Variants in DMP1 observed in about 807,000 individuals in gnomAD.
DMP1 encodes dentin matrix acidic phosphoprotein 1, also known as dentin matrix protein 1.
In DMP1, 20 loss-of-function variants were observed where a neutral mutation model predicts 14.6. The observed-to-expected ratio is 1.37, with a 90% CI of 0.96 to 1.99. The LOEUF (loss-of-function observed/expected upper bound fraction) is 1.99. Among genes scored for constraint, DMP1 ranks in the 30% most tolerant of loss-of-function variants. DMP1 has a pLI of 0.00. For missense variants in DMP1, 567 were observed against 620.5 expected (o/e 0.91, Z 0.92); for synonymous variants, 197 against 215.3 (o/e 0.91, Z 0.75).
chr4:87,661,128 C>G (rs1728854310), intron 5 of DMP1, among the ~76,000 whole-genome samples: 1 of 151,942 alleles, frequency 6.6e-6, no homozygotes, highest in Non-Finnish European at 1.5e-5. Flanking sequence ...ACCTCTGCCC[C>G]CCAGGTTCAA....
intron 1 of DMP1, among the ~76,000 whole-genome samples, chr4:87,654,086 G>A (rs965830720): frequency 6.6e-5 from 10 of 152,246 alleles, no homozygotes; most frequent in African/African-American, 9.6e-5. Flanking sequence ...TGGCCTCTCC[G>A]TGCAGCATTT....
intron 1 of DMP1, among the ~76,000 whole-genome samples, chr4:87,654,881 T>C (rs1006016604): frequency 7.9e-5 from 12 of 152,214 alleles, no homozygotes; most frequent in African/African-American, 1.9e-4. Flanking sequence ...CCTGAACTTA[T>C]GAAGGTAAGC....
At position 87,656,508 on chromosome 4, in the gene DMP1, C is replaced by G; in HGVS notation, c.16C>G (p.Leu6Val). The G allele has an allele frequency of 6.2e-7, 1 of 1,609,738 alleles. No individual in the cohort carries two copies. Among genetic ancestry groups the G allele is most frequent in the Non-Finnish European group, 8.5e-7 (1 of 1,176,058 alleles). MKISI[L>V]LMFLWGLSCA... ...ACACCCAACTATGAAGATCAGCATCCTGCTCATGTTCCTTTGGGGATTATC... is the reference window on the plus strand; with the variant it reads ...ACACCCAACTATGAAGATCAGCATCGTGCTCATGTTCCTTTGGGGATTATC... The change falls in exon 2 of 6, where the codon CTG becomes GTG. Residue 6 changes from leucine to valine, a missense_variant. Transcript: ENST00000339673.
chr4:87,663,770 C>T lies in DMP1; in HGVS notation c.*450C>T, dbSNP rs188772377. ...ATAAGAGAAACAAGAATTGTTACAA[C>T]CCAGTATGGTGAGTGCCAAGACAGA... On this transcript the variant is annotated 3_prime_UTR_variant, in exon 6 of 6. Coordinates refer to ENST00000339673, the MANE Select transcript of DMP1 (RefSeq NM_004407.4). 1 of 248,478 alleles carries T rather than the reference C, an allele frequency of 4.0e-6. No individual in the cohort carries two copies. Among genetic ancestry groups the T allele is most frequent in the East Asian group, 1.0e-4 (1 of 9,812 alleles). The allele number at this position is 248,478 out of a possible 1,614,324, so 15.4% of individuals were successfully genotyped here. A position where few individuals can be genotyped will look rare whatever the true frequency, so the allele number is the denominator to read the frequency against.
At chr4:87,658,390 A>G (rs868381979) in intron 3 of DMP1, among the ~76,000 whole-genome samples, 3 of 152,228 alleles carry the variant, frequency 2.0e-5, no homozygotes, top group Admixed American at 2.0e-4. Context: ...AGAAGTTGCT[A>G]AGGCATTCTT....
rs146708738 is a variant in DMP1 at position 87,663,015 on chromosome 4, A to C, written c.1237A>C (p.Asn413His). The change falls in exon 6 of 6, where the codon AAC becomes CAC. Residue 413 changes from asparagine to histidine, a missense_variant. Coordinates refer to ENST00000339673, the MANE Select transcript of DMP1 (RefSeq NM_004407.4). ...QADSESSESL[N>H]FSEESPESPE... ...AGACAGCGAATCCAGTGAGAGCCTC[A>C]ACTTCTCAGAGGAAAGCCCGGAGTC... 3 of 1,614,080 alleles carry C rather than the reference A, an allele frequency of 1.9e-6. No homozygotes were observed. Among genetic ancestry groups the C allele is most frequent in the Non-Finnish European group, 2.5e-6 (3 of 1,180,032 alleles).
Position 87,663,199 on chromosome 4 carries a change from G to A in DMP1, c.1421G>A (p.Ser474Asn). The A allele has an allele frequency of 1.2e-6, 2 of 1,614,210 alleles. No homozygotes were observed. Among genetic ancestry groups the A allele is most frequent in the Non-Finnish European group, 1.7e-6 (2 of 1,180,050 alleles). The change falls in exon 6 of 6, where the codon AGC (serine) becomes AAC (asparagine). Residue 474 changes from serine to asparagine, a missense_variant. Coordinates refer to ENST00000339673, the MANE Select transcript of DMP1 (RefSeq NM_004407.4). The stretch of plus-strand genomic sequence containing the variant: ...AGCAACTCCACGGAGAGCAAATCAA[G>A]CAGTGAGGAAGATGGCCAGTTGAAA... ...EDSNSTESKS[S>N]SEEDGQLKNI... is the part of the protein sequence containing the mutation.
chr4:87,651,440 G>A (rs1728528565), intron 1 of DMP1, among the ~76,000 whole-genome samples: 1 of 151,876 alleles, frequency 6.6e-6, no homozygotes, highest in Non-Finnish European at 1.5e-5. Flanking sequence ...TGGTTTGTTT[G>A]TTTCTCTGGA....
chr4:87,661,280 G>A (rs984057944), intron 5 of DMP1, among the ~76,000 whole-genome samples: 10 of 139,044 alleles, frequency 7.2e-5, no homozygotes, highest in African/African-American at 2.7e-4. Flanking sequence ...GAGTGCAGTG[G>A]CGCAATCTCG....
chr4:87,662,848 A>G lies in DMP1; in HGVS notation c.1070A>G (p.Glu357Gly). The G allele has an allele frequency of 1.2e-6, 2 of 1,613,498 alleles. No homozygotes were observed. Among genetic ancestry groups the G allele is most frequent in the Non-Finnish European group, 1.7e-6 (2 of 1,179,444 alleles). Residue 357 changes from glutamate (E) to glycine (G), a missense_variant, in exon 6 of 6, where the codon GAA becomes GGA. By Grantham distance (98) the Glu-to-Gly change is moderately conservative. Transcript: ENST00000339673. ...CAAGAGAACAGCAGTGAGTCTCAGGAAGAGGTGGTGAGTGAGTCCAGGGGA... is the reference window on the plus strand; with the variant it reads ...CAAGAGAACAGCAGTGAGTCTCAGGGAGAGGTGGTGAGTGAGTCCAGGGGA... ...SSQENSSESQ[E>G]EVVSESRGDN... is the part of the protein sequence containing the mutation.
intron 1 of DMP1, among the ~76,000 whole-genome samples, chr4:87,652,403 G>A (rs1349641183): frequency 6.6e-6 from 1 of 152,104 alleles, no homozygotes; most frequent in Admixed American, 6.6e-5. Flanking sequence ...AATACCAAAT[G>A]CAAACCTAAC....
rs539216725 is a variant in DMP1, at chr4:87,655,924, A to G, written c.-21-548A>G. 4.5e-4 allele frequency among the ~76,000 whole-genome samples: 69 copies of G among 152,252 alleles called. No homozygotes were observed. The Middle Eastern group carries it at 0.014, about 30-fold the overall frequency. ...TACATCTCCTCATTGAAACATTTTC[A>G]ATTTATTTCTTAGGAGTGAGGTTTT... is the stretch of plus-strand genomic sequence containing the variant. On this transcript the variant is annotated intron_variant, in intron 1 of 5. Coordinates refer to ENST00000339673, the MANE Select transcript of DMP1 (RefSeq NM_004407.4).
chr4:87,654,540 C>T (rs1388551131), intron 1 of DMP1, among the ~76,000 whole-genome samples: 1 of 152,080 alleles, frequency 6.6e-6, no homozygotes, highest in East Asian at 1.9e-4. Context: ...AAAATGAACA[C>T]AAAACTACCA....
chr4:87,653,922 G>A (rs573176348), intron 1 of DMP1, among the ~76,000 whole-genome samples: 93 of 152,238 alleles, frequency 6.1e-4, no homozygotes, highest in African/African-American at 1.9e-3. Context: ...CCTTCAGAAC[G>A]AAGACCTAAA....
intron 5 of DMP1, among the ~76,000 whole-genome samples, 182 bp downstream of exon 5, chr4:87,659,660 C>T (rs550580831): frequency 7.9e-5 from 12 of 152,172 alleles, no homozygotes; most frequent in Admixed American, 1.3e-4. Flanking sequence ...TGCAGACATG[C>T]TATTCATCTT....
chr4:87,654,125 C>T (rs1728615990), intron 1 of DMP1, among the ~76,000 whole-genome samples: 1 of 152,176 alleles, frequency 6.6e-6, no homozygotes, highest in Admixed American at 6.5e-5. Context: ...ACAGGACCTT[C>T]TCTGCAATGC....
Position 87,663,713 on chromosome 4 carries a change from C to A in DMP1, c.*393C>A. 1 of 313,982 alleles carries A rather than the reference C, an allele frequency of 3.2e-6. No homozygotes were observed. The highest frequency in any genetic ancestry group is 3.0e-5 in the South Asian group (1 of 33,470). 19.4% of individuals were successfully genotyped at this position (313,982 alleles called of 1,614,324 possible). A position where few individuals can be genotyped will look rare whatever the true frequency, so the allele number is the denominator to read the frequency against. The stretch of plus-strand genomic sequence containing the variant: ...GCTCCTGAGGAGCGTATAGAAGGAC[C>A]CACAAAGCTACAGAGTTAAAGAGGG... On this transcript the variant is annotated 3_prime_UTR_variant, in exon 6 of 6. Transcript: ENST00000339673.
Position 87,659,483 on chromosome 4 carries a change from T to A in DMP1, c.183+5T>A. On this transcript the variant is annotated splice_donor_5th_base_variant and intron_variant, in intron 5 of 5. Coordinates refer to ENST00000339673, the MANE Select transcript of DMP1 (RefSeq NM_004407.4). ...AAAGTTAGCTCAGAGGAACAGGTAA[T>A]TAAACAGACCTTTCTTAACTTTTCA... 2 of 1,613,398 alleles carry A rather than the reference T, an allele frequency of 1.2e-6. No homozygotes were observed. Among genetic ancestry groups the A allele is most frequent in the East Asian group, 4.5e-5 (2 of 44,846 alleles).
At chr4:87,654,898 T>C (rs933504973) in intron 1 of DMP1, among the ~76,000 whole-genome samples, 4 of 152,220 alleles carry the variant, frequency 2.6e-5, no homozygotes, top group African/African-American at 9.6e-5. Flanking sequence ...AAGCTGTTAA[T>C]TTACATTGTG....
Sources: allele counts gnomAD v4.1 joint callset (sites outside exome capture counted in the v4.1 genomes callset), GRCh38; gene constraint gnomAD v4.1.1; transcripts MANE v1.5; gene names NCBI Gene and HGNC (gene_info 2026-07-23, HGNC 2026-07-21).